The following KAT8 variants were observed in gnomAD, a reference collection of about 807,000 sequenced individuals.
KAT8 encodes the protein lysine acetyltransferase 8, also known as histone acetyltransferase KAT8.
KAT8 carries 40 observed loss-of-function variants against 62.9 expected under a neutral mutation model. That is an observed-to-expected ratio of 0.64 (90% confidence interval 0.49 to 0.83). KAT8 has a LOEUF of 0.83. Among genes scored for constraint, KAT8 ranks in the 40% least tolerant of loss-of-function variants. The pLI is 0.00. For synonymous variants in KAT8, 278 were observed against 254.5 expected (o/e 1.09, Z -0.88); for missense variants, 387 against 614.8 (o/e 0.63, Z 3.92).
chr16:31,127,423 A>C, intron 5 of KAT8, 70 bp downstream of exon 5: 1 of 1,545,238 alleles, frequency 6.5e-7, no homozygotes, highest in Non-Finnish European at 8.9e-7. Context: ...ATGGAGACTG[A>C]GGGCGGCTGC....
intron 6 of KAT8, among the ~76,000 whole-genome samples, chr16:31,129,063 T>G (rs2057553432): frequency 6.6e-6 from 1 of 152,262 alleles, no homozygotes; most frequent in Non-Finnish European, 1.5e-5. Context: ...TAACATGGTT[T>G]GTTCCTGTTT....
chr16:31,126,991 C>A lies in KAT8; in HGVS notation c.463-44C>A. 1.9e-6 allele frequency: 3 copies of A among 1,609,304 alleles called. No individual in the cohort carries two copies. The South Asian group carries it at 3.3e-5, about 18-fold the overall frequency. On this transcript the variant is annotated intron_variant, in intron 3 of 10. Coordinates refer to ENST00000219797, the MANE Select transcript of KAT8 (RefSeq NM_032188.3). ...GTCCTGACGGGAGGGACAGCCTGGT[C>A]ACCACTTCTGTTCACCTCTGCCCAC... is the stretch of plus-strand genomic sequence containing the variant.
chr16:31,128,015 A>G (rs1437812344), intron 5 of KAT8, 35 bp from the exon 6 acceptor site: 3 of 1,531,268 alleles, frequency 2.0e-6, no homozygotes, highest in Non-Finnish European at 1.8e-6. Flanking sequence ...CAGAGAACAT[A>G]TGGGCAGCGA....
intron 6 of KAT8, among the ~76,000 whole-genome samples, chr16:31,129,561 T>C (rs552443458): frequency 5.3e-5 from 8 of 151,946 alleles, no homozygotes; most frequent in Non-Finnish European, 8.8e-5. Flanking sequence ...CCTCCTGGAG[T>C]GCAGCCAAGT....
chr16:31,129,319 G>T (rs2057555024), intron 6 of KAT8, among the ~76,000 whole-genome samples: 1 of 152,186 alleles, frequency 6.6e-6, no homozygotes, highest in Non-Finnish European at 1.5e-5. Flanking sequence ...GTGTGGAATA[G>T]CAGAAGGGCC....
At chr16:31,126,661 GTA>G in intron 3 of KAT8, 1 of 251,164 alleles carries the variant, frequency 4.0e-6, no homozygotes, top group South Asian at 4.7e-5. Context: ...CGGGGAGGTA[GTA>G]ACAGTTCTTA....
rs185773018 is a variant in KAT8 at position 31,120,661 on chromosome 16, A to T, written c.462+147A>T. On this transcript the variant is annotated intron_variant, in intron 3 of 10. Transcript: ENST00000219797. The stretch of plus-strand genomic sequence containing the variant: ...TCAGGGACTTTACCTACTTCCTCTT[A>T]CTTACTTTTCATAGGTAAGAAAACA... The T allele has an allele frequency of 3.5e-5, 25 of 719,878 alleles. No individual in the cohort carries two copies. The East Asian group carries it at 4.1e-4, about 12-fold the overall frequency. The allele number at this position is 719,878 out of a possible 1,614,324, so 44.6% of individuals were successfully genotyped here.
intron 10 of KAT8, 27 bp from the exon 11 acceptor site, chr16:31,131,168 C>G: frequency 1.2e-6 from 2 of 1,613,034 alleles, no homozygotes; most frequent in Non-Finnish European, 1.7e-6. Context: ...CAGGCCCAGC[C>G]CTGCCTCCCG....
chr16:31,121,282 G>A (rs375127549), intron 3 of KAT8, among the ~76,000 whole-genome samples: 5 of 151,824 alleles, frequency 3.3e-5, no homozygotes, highest in African/African-American at 7.3e-5. Flanking sequence ...CACCACGCCC[G>A]GATAATTTTT....
intron 3 of KAT8, among the ~76,000 whole-genome samples, chr16:31,125,060 C>T (rs1275015846): frequency 6.6e-6 from 1 of 151,882 alleles, no homozygotes; most frequent in African/African-American, 2.4e-5. Flanking sequence ...GGAATGGTAG[C>T]AGGCACATGT....
At chr16:31,119,925 C>T (rs1367262623) in intron 1 of KAT8, among the ~76,000 whole-genome samples, 2 of 151,984 alleles carry the variant, frequency 1.3e-5, no homozygotes, top group African/African-American at 4.8e-5. Context: ...AAGTGATCTG[C>T]CCATCTCGGC....
rs4527034 is a variant in KAT8, at chr16:31,120,293, A to G, written c.286+33A>G. On this transcript the variant is annotated intron_variant, in intron 2 of 10. Transcript: ENST00000219797. ...GCTTGGCACATCTGGGCGTGGGTGC[A>G]GGGAGTTGGCTGCCCTGGCAGCACT... is the stretch of plus-strand genomic sequence containing the variant. 1,012,038 of 1,613,670 alleles carry G rather than the reference A, an allele frequency of 0.63. 327,005 individuals are homozygous for G. Among genetic ancestry groups the G allele is most frequent in the South Asian group, 0.82 (74,591 of 91,062 alleles).
chr16:31,120,162 G>A (rs2057482719), intron 1 of KAT8, 24 bp from the exon 2 acceptor site: 2 of 1,606,802 alleles, frequency 1.2e-6, no homozygotes, highest in African/African-American at 1.3e-5. Context: ...CCTTCCTGAT[G>A]ACCCTAGCCT....
intron 3 of KAT8, 102 bp downstream of exon 3, chr16:31,120,616 TC>T (rs2057486017): frequency 1.8e-6 from 2 of 1,093,494 alleles, no homozygotes; most frequent in African/African-American, 1.6e-5. Context: ...AAATCCCATT[TC>T]TTAAGCTCCT....
intron 3 of KAT8, among the ~76,000 whole-genome samples, chr16:31,121,344 C>T (rs1461790933): frequency 6.6e-6 from 1 of 152,062 alleles, no homozygotes; most frequent in African/African-American, 2.4e-5. Flanking sequence ...TGGTCTCGAA[C>T]TCCTGACCTC....
At chr16:31,119,508 C>T (rs555605622) in intron 1 of KAT8, among the ~76,000 whole-genome samples, 4 of 152,338 alleles carry the variant, frequency 2.6e-5, no homozygotes, top group African/African-American at 9.6e-5. Context: ...GATCCCTGAA[C>T]AAATGAACAA....
At chr16:31,131,157 C>T in intron 10 of KAT8, 38 bp from the exon 11 acceptor site, 2 of 1,611,596 alleles carry the variant, frequency 1.2e-6, no homozygotes, top group Middle Eastern at 1.7e-4. Context: ...CTGGCCTGGC[C>T]CAGGCCCAGC....
At position 31,117,788 on chromosome 16, in the gene KAT8, C is replaced by T; in HGVS notation, c.107C>T (p.Pro36Leu). The change falls in exon 1 of 11, where the codon CCA becomes CTA. Residue 36 changes from proline to leucine, a missense_variant. Transcript: ENST00000219797. ...GENAAAEGTA[P>L]SPGRVSPPTP... Reference sequence around the variant, plus strand: ...AATGCGGCCGCTGAGGGGACCGCCCCATCCCCGGGCCGCGTCTCTCCGCCG... The same window carrying T: ...AATGCGGCCGCTGAGGGGACCGCCCTATCCCCGGGCCGCGTCTCTCCGCCG... 2 of 1,412,352 alleles carry T rather than the reference C, an allele frequency of 1.4e-6. No individual in the cohort carries two copies. The highest frequency in any genetic ancestry group is 1.9e-6 in the Non-Finnish European group (2 of 1,072,694). The allele number at this position is 1,412,352 out of a possible 1,614,324, so 87.5% of individuals were successfully genotyped here. A position where few individuals can be genotyped will look rare whatever the true frequency, so the allele number is the denominator to read the frequency against.
chr16:31,122,507 A>G (rs1448912285), intron 3 of KAT8: 7 of 152,216 alleles, frequency 4.6e-5, no homozygotes, highest in Non-Finnish European at 1.0e-4. Context: ...GAAATGTTCT[A>G]TAGCTGTACT....
Sources: gnomAD v4.1 joint callset for allele counts (sites outside exome capture counted in the v4.1 genomes callset) on GRCh38, gnomAD v4.1.1 for gene constraint, MANE v1.5 for transcripts, NCBI Gene and HGNC (gene_info 2026-07-23, HGNC 2026-07-21) for gene names.